PPARGC1B: variants seen among roughly 807,000 people sequenced by gnomAD.
The protein encoded by PPARGC1B is PPARG coactivator 1 beta, also known as peroxisome proliferator-activated receptor gamma coactivator 1-beta.
Under a neutral mutation model 101.6 loss-of-function variants are expected in PPARGC1B, and 34 were observed. That is an observed-to-expected ratio of 0.33 (90% CI 0.25 to 0.45). PPARGC1B has a LOEUF of 0.45. Ranked by LOEUF, PPARGC1B falls within the 20% of genes least tolerant of loss-of-function variation. The pLI is 1.00. For missense variants in PPARGC1B, 1,234 were observed against 1,317.6 expected (o/e 0.94, Z 0.98); for synonymous variants, 548 against 539.3 (o/e 1.02, Z -0.22).
chr5:149,817,760 G>C (rs1296727770), intron 1 of PPARGC1B: 1 of 456,600 alleles, frequency 2.2e-6, no homozygotes, highest in Non-Finnish European at 4.4e-6. Flanking sequence ...AACTCATACA[G>C]CTGATGGGAG....
chr5:149,827,079 G>A (rs566994986), intron 3 of PPARGC1B, among the ~76,000 whole-genome samples, 194 bp downstream of exon 3: 4 of 152,368 alleles, frequency 2.6e-5, no homozygotes, highest in African/African-American at 9.6e-5. Context: ...CCTAGACAGA[G>A]GTACTAACGA....
chr5:149,762,047 C>A (rs554310817), intron 1 of PPARGC1B, among the ~76,000 whole-genome samples: 89 of 152,098 alleles, frequency 5.9e-4, no homozygotes, highest in Non-Finnish European at 9.1e-4. Context: ...TGGCCAGACC[C>A]TGGTTCTTCT....
chr5:149,751,761 CATAGGCAGTGCTTAAGAAAA>C (rs992643660), intron 1 of PPARGC1B, among the ~76,000 whole-genome samples: 6 of 151,560 alleles, frequency 4.0e-5, no homozygotes. Context: ...AATAACCAGT[CATAGGCAGTGCTTAAGAAAA>C]TAAAGGTAAC....
chr5:149,857,811 C>G (rs1759995722), downstream of PPARGC1B: 1 of 152,244 alleles, frequency 6.6e-6, no homozygotes. Flanking sequence ...CACTGGCCTT[C>G]AATTTCCTCA....
At position 149,842,250 on chromosome 5, in the gene PPARGC1B, G is replaced by C. The variant is rs1340716913; in HGVS notation, c.2695-6G>C. ...GGAGTCTCTCTCTGTCCTCCTTCTT[G>C]GGCAGGGGGAAGGCCGCGTGGTGTA... On this transcript the variant is annotated splice_polypyrimidine_tract_variant and splice_region_variant and intron_variant, in intron 9 of 11. Coordinates refer to ENST00000309241, the MANE Select transcript of PPARGC1B (RefSeq NM_133263.4). 6.2e-7 allele frequency: 1 copy of C among 1,612,612 alleles called. No individual in the cohort carries two copies. The highest frequency in any genetic ancestry group is 8.5e-7 in the Non-Finnish European group (1 of 1,179,490).
intron 1 of PPARGC1B, chr5:149,732,737 T>G (rs41287082): frequency 0.15 from 70,895 of 465,108 alleles, 6,320 homozygotes; most frequent in Admixed American, 0.29. Context: ...CCCAGTGTGC[T>G]CCTCCTTATT....
intron 1 of PPARGC1B, among the ~76,000 whole-genome samples, chr5:149,756,903 C>T (rs1391951353): frequency 6.6e-6 from 1 of 152,126 alleles, no homozygotes; most frequent in African/African-American, 2.4e-5. Flanking sequence ...GACTGGATCT[C>T]CTTGGCTTAT....
At chr5:149,744,823 T>C (rs1010145024) in intron 1 of PPARGC1B, among the ~76,000 whole-genome samples, 14 of 152,194 alleles carry the variant, frequency 9.2e-5, no homozygotes, top group Non-Finnish European at 1.6e-4. Context: ...TAAGTGCTGA[T>C]TGGCCTCAAG....
In PPARGC1B at chr5:149,854,798, C is replaced by A. The variant is rs1363474050; in HGVS notation, c.*7240C>A. Reference sequence around the variant, plus strand: ...TCTATAGTTTCCTAGATAATTTAACCAAATTGCTCTATGTATTATTATTCT... The same window carrying A: ...TCTATAGTTTCCTAGATAATTTAACAAAATTGCTCTATGTATTATTATTCT... On this transcript the variant is annotated 3_prime_UTR_variant, in exon 12 of 12. Coordinates refer to ENST00000309241, the MANE Select transcript of PPARGC1B (RefSeq NM_133263.4). 1.3e-5 allele frequency: 2 copies of A among 152,126 alleles called. No homozygotes were observed. The highest frequency in any genetic ancestry group is 3.9e-4 in the East Asian group (2 of 5,172). The allele number at this position is 152,126 out of a possible 1,614,324, so 9.4% of individuals were successfully genotyped here.
At chr5:149,768,393 G>A (rs1055717211) in intron 1 of PPARGC1B, among the ~76,000 whole-genome samples, 8 of 151,368 alleles carry the variant, frequency 5.3e-5, no homozygotes, top group African/African-American at 9.7e-5. Context: ...TCCCATTTTA[G>A]CCTCCTGAGT....
At chr5:149,754,666 C>T (rs979235922) in intron 1 of PPARGC1B, among the ~76,000 whole-genome samples, 6 of 151,484 alleles carry the variant, frequency 4.0e-5, no homozygotes, top group South Asian at 2.1e-4. Context: ...ATGGGCCTGT[C>T]GGAGTCAGGT....
chr5:149,849,049 C>T lies in PPARGC1B; in HGVS notation c.*1491C>T, dbSNP rs1759678732. 6.6e-6 allele frequency: 1 copy of T among 152,046 alleles called. No individual in the cohort carries two copies. Among genetic ancestry groups the T allele is most frequent in the Non-Finnish European group, 1.5e-5 (1 of 68,010 alleles). 9.4% of individuals were successfully genotyped at this position (152,046 alleles called of 1,614,324 possible). ...AGCATGGCCAGGCAGGGTATGAGTA[C>T]ATTGTTTCTGATTTCTTTCATACAT... On this transcript the variant is annotated 3_prime_UTR_variant, in exon 12 of 12. Transcript: ENST00000309241.
intron 1 of PPARGC1B, among the ~76,000 whole-genome samples, chr5:149,793,783 C>T (rs116671315): frequency 2.0e-3 from 297 of 152,218 alleles, no homozygotes; most frequent in African/African-American, 6.6e-3. Context: ...TAAAAACCAA[C>T]GAGGAGAAAA....
At chr5:149,857,508 G>T (rs1008161609), downstream of PPARGC1B, among the ~76,000 whole-genome samples, 1 of 152,216 alleles carries the variant, frequency 6.6e-6, no homozygotes, top group Non-Finnish European at 1.5e-5. Flanking sequence ...ACCACCAAAC[G>T]TGATGTTCTT....
chr5:149,813,371 G>A (rs1757933196), intron 1 of PPARGC1B, among the ~76,000 whole-genome samples: 1 of 152,310 alleles, frequency 6.6e-6, no homozygotes, highest in Non-Finnish European at 1.5e-5. Context: ...GCCGGGTGGA[G>A]CCCAGACTCC....
In PPARGC1B at chr5:149,850,124, C is replaced by T. The variant is rs1325263626; in HGVS notation, c.*2566C>T. The T allele has an allele frequency of 6.6e-6, 1 of 152,160 alleles. No individual in the cohort carries two copies. Among genetic ancestry groups the T allele is most frequent in the African/African-American group, 2.4e-5 (1 of 41,424 alleles). The allele number at this position is 152,160 out of a possible 1,614,324, so 9.4% of individuals were successfully genotyped here. A position where few individuals can be genotyped will look rare whatever the true frequency, so the allele number is the denominator to read the frequency against. ...ATTTCCTTTGTAACTTTGGTAAGTC[C>T]CTTTTACTCCCTGGCACCCCGGTGT... On this transcript the variant is annotated 3_prime_UTR_variant, in exon 12 of 12. Coordinates refer to ENST00000309241, the MANE Select transcript of PPARGC1B (RefSeq NM_133263.4).
intron 1 of PPARGC1B, among the ~76,000 whole-genome samples, chr5:149,760,552 G>GT (rs954488770): frequency 6.6e-6 from 1 of 152,224 alleles, no homozygotes; most frequent in African/African-American, 2.4e-5. Context: ...CAGCAGCCAT[G>GT]TGATTATTGT....
In PPARGC1B at chr5:149,836,749, C is replaced by T; in HGVS notation, c.2294C>T (p.Thr765Ile). The T allele has an allele frequency of 6.2e-7, 1 of 1,613,716 alleles. No homozygotes were observed. The highest frequency in any genetic ancestry group is 8.5e-7 in the Non-Finnish European group (1 of 1,180,028). Residue 765 changes from threonine (T) to isoleucine (I), a missense_variant, in exon 8 of 12, where the codon ACC becomes ATC. Around this residue, in one of 3 missense-constraint regions of PPARGC1B, gnomAD observed 497 missense variants for 529.5 expected, o/e 0.94. Transcript: ENST00000309241. ...LRDHEIRASL[T>I]KHFGLLETAL... The stretch of plus-strand genomic sequence containing the variant: ...GACCATGAGATCCGTGCCAGCCTCA[C>T]CAAACACTTTGGGCTGCTGGAGACC...
At chr5:149,823,622 G>T (rs557225441) in intron 2 of PPARGC1B, among the ~76,000 whole-genome samples, 1 of 152,136 alleles carries the variant, frequency 6.6e-6, no homozygotes, top group South Asian at 2.1e-4. Context: ...AGGGAGAGCC[G>T]AGCTAATGGG....
Sources: gnomAD v4.1 joint callset for allele counts (sites outside exome capture counted in the v4.1 genomes callset) on GRCh38, gnomAD v4.1.1 for gene constraint, gnomAD v4.1.1 regional missense constraint, MANE v1.5 for transcripts, NCBI Gene and HGNC (gene_info 2026-07-23, HGNC 2026-07-21) for gene names.